The following STAB2 variants were observed in gnomAD, a reference collection of about 807,000 sequenced individuals.
STAB2 encodes the protein stabilin-2.
In STAB2, 288 loss-of-function variants were observed where a neutral mutation model predicts 338.1. That is an observed-to-expected ratio of 0.85 (90% CI 0.77 to 0.94). The LOEUF (loss-of-function observed/expected upper bound fraction) is 0.94. STAB2 is among the 40% of genes least tolerant of loss of function. STAB2 has a pLI of 0.00. For synonymous variants in STAB2, 1,202 were observed against 1,193.3 expected (o/e 1.01, Z -0.15); for missense variants, 3,141 against 3,210.1 (o/e 0.98, Z 0.52).
intron 27 of STAB2, among the ~76,000 whole-genome samples, chr12:103,686,049 T>A (rs1199998731): frequency 1.3e-5 from 2 of 152,178 alleles, no homozygotes; most frequent in African/African-American, 4.8e-5. Flanking sequence ...TGAAAGATGA[T>A]CTTTGTCTTG....
chr12:103,730,829 G>T (rs1191040018), intron 49 of STAB2, among the ~76,000 whole-genome samples: 3 of 152,144 alleles, frequency 2.0e-5, no homozygotes, highest in Non-Finnish European at 4.4e-5. Flanking sequence ...TGAACAGATT[G>T]CTTGAGTCCA....
intron 16 of STAB2, 80 bp downstream of exon 16, chr12:103,660,464 G>T (rs1458163092): frequency 9.9e-6 from 15 of 1,514,774 alleles, no homozygotes; most frequent in African/African-American, 4.1e-5. Context: ...ATATTTTGAC[G>T]CTAGAAAATG....
At chr12:103,688,738 AC>A (rs1201566440) in intron 28 of STAB2, among the ~76,000 whole-genome samples, 1 of 151,830 alleles carries the variant, frequency 6.6e-6, no homozygotes, top group Non-Finnish European at 1.5e-5. Flanking sequence ...GCCTCTCTGA[AC>A]CCCCCATCCC....
intron 3 of STAB2, among the ~76,000 whole-genome samples, chr12:103,613,924 T>C (rs1957169347): frequency 6.6e-6 from 1 of 152,334 alleles, no homozygotes; most frequent in Non-Finnish European, 1.5e-5. Flanking sequence ...TTCTATATCT[T>C]GTATTTTTAT....
intron 52 of STAB2, 41 bp from the exon 53 acceptor site, chr12:103,737,590 CTCT>C: frequency 7.2e-7 from 1 of 1,386,268 alleles, no homozygotes; most frequent in Non-Finnish European, 9.7e-7. Context: ...CTCTCTCTCT[CTCT>C]CTCTCTCTTT....
At position 103,736,112 on chromosome 12, in the gene STAB2, C is replaced by CATATCATGG. The variant is rs1440687735; in HGVS notation, c.5550+534_5550+542dup. 2.0e-5 allele frequency among the ~76,000 whole-genome samples: 3 copies of CATATCATGG among 152,330 alleles called. No homozygotes were observed. The East Asian group carries it at 5.8e-4, about 29-fold the overall frequency. On this transcript the variant is annotated intron_variant, in intron 52 of 68. Coordinates refer to ENST00000388887, the MANE Select transcript of STAB2 (RefSeq NM_017564.10). ...GGGTCTAATGGGATTATTTCAACTG[C>CATATCATGG]ATATCATGGAAAAGCCAAAATCCTG...
chr12:103,588,736 A>G (rs930464551), intron 1 of STAB2, among the ~76,000 whole-genome samples: 1 of 152,196 alleles, frequency 6.6e-6, no homozygotes, highest in Non-Finnish European at 1.5e-5. Context: ...AAAGTACTGT[A>G]ACCCCACATA....
At chr12:103,731,042 C>A (rs565585179) in intron 49 of STAB2, among the ~76,000 whole-genome samples, 1 of 152,262 alleles carries the variant, frequency 6.6e-6, no homozygotes, top group East Asian at 1.9e-4. Flanking sequence ...CTAGTCTGGG[C>A]AACCAGAGTG....
At chr12:103,663,375 G>C (rs10861070) in intron 18 of STAB2, among the ~76,000 whole-genome samples, 84,471 of 151,846 alleles carry the variant, frequency 0.56, 24,599 homozygotes, top group East Asian at 0.8. Context: ...AGGGAAGAAT[G>C]TTTCTTTCCT....
Position 103,683,201 on chromosome 12 carries a change from A to G in STAB2, c.2806-4A>G, listed in dbSNP as rs200032207. ...TCCACTTGACTCTGTTCTTAAAATT[A>G]TAGAATGAGTGTGAGTGCAAGAAAG... On this transcript the variant is annotated splice_polypyrimidine_tract_variant and splice_region_variant and intron_variant, in intron 25 of 68. Coordinates refer to ENST00000388887, the MANE Select transcript of STAB2 (RefSeq NM_017564.10). 1.0e-3 allele frequency: 1,676 copies of G among 1,611,314 alleles called. 3 individuals are homozygous for G. The highest frequency in any genetic ancestry group is 1.3e-3 in the Non-Finnish European group (1,504 of 1,178,814).
chr12:103,641,841 G>A (rs1243230388), intron 9 of STAB2, among the ~76,000 whole-genome samples: 3 of 152,012 alleles, frequency 2.0e-5, no homozygotes, highest in African/African-American at 7.2e-5. Flanking sequence ...ACTGTCTTCA[G>A]CCAAAAAAAG....
At chr12:103,700,297 TAA>T (rs1278389301) in intron 34 of STAB2, among the ~76,000 whole-genome samples, 2 of 152,218 alleles carry the variant, frequency 1.3e-5, no homozygotes, top group South Asian at 2.1e-4. Flanking sequence ...ACAAATTATT[TAA>T]GAGACACTAA....
intron 42 of STAB2, among the ~76,000 whole-genome samples, chr12:103,714,248 C>T (rs547523254): frequency 1.1e-4 from 17 of 152,156 alleles, no homozygotes; most frequent in African/African-American, 3.9e-4. Flanking sequence ...AAGTATACCT[C>T]TAACATTATT....
rs1355782550 is a variant in STAB2, at chr12:103,737,657, A to G, written c.5574A>G (p.Gln1858=). ...AGGGTGACCTCTTTCTGAATGGCCA[A>G]ACCTGCAGAATTGTGCAGCGGGAGC... ...RDIGDLFLNG[Q]TCRIVQRELL... Residue 1858 remains glutamine, a synonymous_variant, in exon 53 of 69, where the codon CAA becomes CAG. Transcript: ENST00000388887. 1.2e-6 allele frequency: 2 copies of G among 1,607,294 alleles called. No individual in the cohort carries two copies. The highest frequency in any genetic ancestry group is 2.7e-5 in the African/African-American group (2 of 73,120).
rs1430797914 is a variant in STAB2, at chr12:103,712,440, A to C, written c.4408A>C (p.Thr1470Pro). Reference protein sequence around the residue: ...AGFQGNGTICTAINACEISNG... With the variant: ...AGFQGNGTICPAINACEISNG... ...ATTCCAAGGAAACGGGACCATCTGC[A>C]CAGGCAAGCGAAGGAAGGAATTTGC... Residue 1470 changes from threonine (T) to proline (P), a missense_variant, in exon 41 of 69, where the codon ACA becomes CCA. Transcript: ENST00000388887. The C allele has an allele frequency of 6.2e-7, 1 of 1,613,322 alleles. No individual in the cohort carries two copies. The highest frequency in any genetic ancestry group is 1.7e-5 in the Admixed American group (1 of 60,028).
chr12:103,604,878 T>A (rs1272655725), intron 3 of STAB2, among the ~76,000 whole-genome samples: 1 of 151,508 alleles, frequency 6.6e-6, no homozygotes, highest in Non-Finnish European at 1.5e-5. Flanking sequence ...TCTGCTTGCT[T>A]GGGTTTCATG....
At chr12:103,752,657 T>C (rs909867400) in intron 60 of STAB2, among the ~76,000 whole-genome samples, 6 of 152,216 alleles carry the variant, frequency 3.9e-5, no homozygotes, top group Non-Finnish European at 5.9e-5. Flanking sequence ...GTGTTTTTTA[T>C]AGCTGTAAAG....
At chr12:103,620,429 A>G (rs1343699611) in intron 3 of STAB2, 39 bp from the exon 4 acceptor site, 2 of 1,530,666 alleles carry the variant, frequency 1.3e-6, no homozygotes, top group South Asian at 2.4e-5. Context: ...GCTTGTGTGC[A>G]GTCACGAATG....
At chr12:103,745,077 T>C in intron 56 of STAB2, 96 bp from the exon 57 acceptor site, 1 of 1,030,896 alleles carries the variant, frequency 9.7e-7, no homozygotes, top group Non-Finnish European at 1.4e-6. Context: ...GCATGGTGCC[T>C]CCCACAACTG....
Sources: gnomAD v4.1 joint callset for allele counts (sites outside exome capture counted in the v4.1 genomes callset) on GRCh38, gnomAD v4.1.1 for gene constraint, MANE v1.5 for transcripts, NCBI Gene and HGNC (gene_info 2026-07-23, HGNC 2026-07-21) for gene names.